Variants in ATF7IP2 observed in about 807,000 individuals in gnomAD.
The protein encoded by ATF7IP2 is activating transcription factor 7-interacting protein 2.
ATF7IP2 carries 42 observed loss-of-function variants against 64.2 expected under a neutral mutation model. The observed-to-expected ratio is 0.65, with a 90% CI of 0.51 to 0.85. The LOEUF (loss-of-function observed/expected upper bound fraction) is 0.85, where lower values mean the gene tolerates loss of function less well. Ranked by LOEUF, ATF7IP2 falls within the 40% of genes least tolerant of loss-of-function variation. The pLI, the probability that ATF7IP2 is intolerant of heterozygous loss-of-function variation, is 0.00. For missense variants in ATF7IP2, 933 were observed against 784.2 expected, an observed-to-expected ratio of 1.19 and a Z score of -2.27; for synonymous variants, 308 against 272.8, an observed-to-expected ratio of 1.13 and a Z score of -1.27.
chr16:10,399,132 A>G (rs1012430933), intron 1 of ATF7IP2, among the ~76,000 whole-genome samples: 7 of 151,998 alleles, frequency 4.6e-5, no homozygotes, highest in Middle Eastern at 3.2e-3. Flanking sequence ...AAAAAGATCT[A>G]TTGTTCTATT....
chr16:10,409,939 A>G (rs374497023), intron 1 of ATF7IP2, among the ~76,000 whole-genome samples: 1 of 152,176 alleles, frequency 6.6e-6, no homozygotes, highest in Non-Finnish European at 1.5e-5. Context: ...CTTTGTGCCT[A>G]TTTTTATACC....
chr16:10,418,905 C>T (rs538750310), intron 2 of ATF7IP2, among the ~76,000 whole-genome samples: 1 of 152,336 alleles, frequency 6.6e-6, no homozygotes, highest in African/African-American at 2.4e-5. Flanking sequence ...ACCATTTCTA[C>T]CATCTGACCG....
At position 10,433,597 on chromosome 16, in the gene ATF7IP2, T is replaced by C. The variant is rs201156120; in HGVS notation, c.908T>C (p.Ile303Thr). ...NVKRMKTSEQ[I>T]NENICVSLER... ...AAACGCATGAAAACTTCAGAGCAAA[T>C]TAATGAAAATATTTGTGTAAGTTTG... Residue 303 changes from isoleucine (I) to threonine (T), a missense_variant, in exon 6 of 14, where the codon ATT becomes ACT. Transcript: ENST00000562102. The C allele has an allele frequency of 8.1e-6, 13 of 1,613,582 alleles. No individual in the cohort carries two copies. The highest frequency in any genetic ancestry group is 1.1e-5 in the Non-Finnish European group (13 of 1,179,670).
chr16:10,419,100 A>C (rs1206659435), intron 2 of ATF7IP2, among the ~76,000 whole-genome samples: 1 of 152,238 alleles, frequency 6.6e-6, no homozygotes, highest in Non-Finnish European at 1.5e-5. Flanking sequence ...GGCCAGGTCC[A>C]ATTCTGTTTA....
chr16:10,452,885 AG>A (rs1489611829), intron 8 of ATF7IP2, among the ~76,000 whole-genome samples: 1 of 152,070 alleles, frequency 6.6e-6, no homozygotes, highest in Non-Finnish European at 1.5e-5. Flanking sequence ...TTGCACTGTG[AG>A]GGGGAAACCG....
Position 10,430,820 on chromosome 16 carries a change from G to A in ATF7IP2, c.200G>A (p.Cys67Tyr), listed in dbSNP as rs777612240. ...ACTAGGACGACTGAAATAACCAAATGTAGCCCTTCTGAAAATGGTGCATCC... is the reference window on the plus strand; with the variant it reads ...ACTAGGACGACTGAAATAACCAAATATAGCCCTTCTGAAAATGGTGCATCC... ...VITRTTEITK[C>Y]SPSENGASSL... is the part of the protein sequence containing the mutation. Residue 67 changes from cysteine (C) to tyrosine (Y), a missense_variant, in exon 5 of 14, where the codon TGT becomes TAT. Coordinates refer to ENST00000562102, the MANE Select transcript of ATF7IP2 (RefSeq NM_001393719.1). The A allele has an allele frequency of 1.5e-5, 24 of 1,613,988 alleles. 1 individual carries two copies. In the South Asian group the frequency reaches 2.5e-4, roughly 17 times the overall value.
In ATF7IP2 at chr16:10,430,685, G is replaced by T; in HGVS notation, c.65G>T (p.Cys22Phe). Residue 22 changes from cysteine (C) to phenylalanine (F), a missense_variant, in exon 5 of 14, where the codon TGC (cysteine) becomes TTC (phenylalanine). Physicochemically the swap from Cys to Phe is radical, Grantham distance 205. Coordinates refer to ENST00000562102, the MANE Select transcript of ATF7IP2 (RefSeq NM_001393719.1). ...GCCAAAAAGACAATGCCCCTAAGTT[G>T]CCGGAAGCAAGTAGAGATGCTGAAT... is the stretch of plus-strand genomic sequence containing the variant. The part of the protein sequence containing the change: ...LKAKKTMPLS[C>F]RKQVEMLNKS... 6.2e-7 allele frequency: 1 copy of T among 1,614,108 alleles called. No individual in the cohort carries two copies. The highest frequency in any genetic ancestry group is 8.5e-7 in the Non-Finnish European group (1 of 1,180,010).
chr16:10,476,817 C>A (rs892753767), intron 12 of ATF7IP2, among the ~76,000 whole-genome samples: 1 of 152,152 alleles, frequency 6.6e-6, no homozygotes, highest in Non-Finnish European at 1.5e-5. Context: ...CCATCCATGT[C>A]CCTGCAAAGA....
chr16:10,428,759 G>A (rs572462272), intron 3 of ATF7IP2, 109 bp from the exon 4 acceptor site: 1 of 152,226 alleles, frequency 6.6e-6, no homozygotes, highest in African/African-American at 2.4e-5. Flanking sequence ...TTAAGTGTAG[G>A]ATTTCGTTCT....
intron 9 of ATF7IP2, among the ~76,000 whole-genome samples, chr16:10,466,640 A>T (rs1185106932): frequency 6.6e-6 from 1 of 152,110 alleles, no homozygotes; most frequent in Non-Finnish European, 1.5e-5. Flanking sequence ...CATGTTAGCC[A>T]TTTGGATATC....
At chr16:10,438,018 A>G (rs2048479565) in intron 6 of ATF7IP2, 83 bp from the exon 7 acceptor site, 1 of 1,083,888 alleles carries the variant, frequency 9.2e-7, no homozygotes, top group African/African-American at 1.6e-5. Context: ...AATCTGGAAA[A>G]GAGCAAGGCT....
chr16:10,482,150 C>G lies in ATF7IP2; in HGVS notation c.1950C>G (p.Asn650Lys). Residue 650 changes from asparagine to lysine, a missense_variant, in exon 14 of 14, where the codon AAC (asparagine) becomes AAG (lysine). Asn to Lys is a moderately conservative substitution (Grantham distance 94). Coordinates refer to ENST00000562102, the MANE Select transcript of ATF7IP2 (RefSeq NM_001393719.1). The part of the protein sequence containing the change: ...ACTLSQFLAS[N>K]RYYFTVQSKD... ...CTTTATCTCAGTTTTTAGCTTCCAA[C>G]AGATACTATTTTACTGTCCAATCAA... is the stretch of plus-strand genomic sequence containing the variant. The G allele has an allele frequency of 6.2e-7, 1 of 1,613,442 alleles. No individual in the cohort carries two copies. Among genetic ancestry groups the G allele is most frequent in the Non-Finnish European group, 8.5e-7 (1 of 1,179,344 alleles).
At chr16:10,436,354 T>A (rs2048418811) in intron 6 of ATF7IP2, among the ~76,000 whole-genome samples, 1 of 151,544 alleles carries the variant, frequency 6.6e-6, no homozygotes, top group African/African-American at 2.4e-5. Context: ...AGAGCGAGAC[T>A]CTGTCCCAAA....
intron 9 of ATF7IP2, among the ~76,000 whole-genome samples, chr16:10,458,412 A>C (rs2049255326): frequency 6.6e-6 from 1 of 152,248 alleles, no homozygotes; most frequent in African/African-American, 2.4e-5. Context: ...AAAAGACACC[A>C]TTAAAATAGC....
intron 9 of ATF7IP2, among the ~76,000 whole-genome samples, chr16:10,458,344 T>C (rs989957393): frequency 1.4e-4 from 21 of 152,194 alleles, no homozygotes; most frequent in Admixed American, 1.0e-3. Context: ...CCCTTATTGA[T>C]GCATGTGCTA....
intron 6 of ATF7IP2, 67 bp from the exon 7 acceptor site, chr16:10,438,034 A>T: frequency 7.8e-6 from 10 of 1,277,888 alleles, no homozygotes; most frequent in Non-Finnish European, 1.0e-5. Context: ...AGGCTTTTTA[A>T]GTAGAAAGTA....
At chr16:10,406,586 A>T (rs566094887) in intron 1 of ATF7IP2, among the ~76,000 whole-genome samples, 1 of 152,238 alleles carries the variant, frequency 6.6e-6, no homozygotes, top group Admixed American at 6.5e-5. Context: ...ACTATGAAAA[A>T]GAACACCTCA....
At chr16:10,414,526 G>A (rs543938217) in intron 1 of ATF7IP2, 48 bp from the exon 2 acceptor site, 22 of 151,010 alleles carry the variant, frequency 1.5e-4, no homozygotes, top group African/African-American at 3.7e-4. Flanking sequence ...CCTTTCTCTG[G>A]TGCCTCCTTG....
intron 8 of ATF7IP2, among the ~76,000 whole-genome samples, chr16:10,443,390 C>T (rs979524259): frequency 9.9e-5 from 15 of 152,126 alleles, no homozygotes; most frequent in African/African-American, 3.1e-4. Context: ...TTACCCCAGG[C>T]TGTGGGGTGC....
Sources: allele counts gnomAD v4.1 joint callset (sites outside exome capture counted in the v4.1 genomes callset), GRCh38; gene constraint gnomAD v4.1.1; transcripts MANE v1.5; gene names NCBI Gene and HGNC (gene_info 2026-07-23, HGNC 2026-07-21).